UBE2V2: variants seen among roughly 807,000 people sequenced by gnomAD.
The protein encoded by UBE2V2 is ubiquitin conjugating enzyme E2 V2.
A neutral mutation model predicts 17.2 loss-of-function variants in UBE2V2; 9 were observed. The observed-to-expected ratio is 0.52, with a 90% CI of 0.32 to 0.91. The LOEUF (loss-of-function observed/expected upper bound fraction) is 0.91. Ranked by LOEUF, UBE2V2 falls within the 40% of genes least tolerant of loss-of-function variation. The probability of loss-of-function intolerance (pLI) is 0.04; values close to 1 mark genes in which losing one functional copy is unlikely to be tolerated. For missense variants in UBE2V2, 133 were observed against 182.6 expected, an observed-to-expected ratio of 0.73 and a Z score of 1.56; for synonymous variants, 61 against 57.5, an observed-to-expected ratio of 1.06 and a Z score of -0.28.
At chr8:48,022,216 C>T (rs1427513002) in intron 1 of UBE2V2, among the ~76,000 whole-genome samples, 1 of 151,282 alleles carries the variant, frequency 6.6e-6, no homozygotes, top group Non-Finnish European at 1.5e-5. Context: ...TGGCTTACTG[C>T]AACCTTCGCC....
intron 3 of UBE2V2, among the ~76,000 whole-genome samples, chr8:48,052,827 C>G (rs902019385): frequency 6.6e-6 from 1 of 152,224 alleles, no homozygotes; most frequent in Non-Finnish European, 1.5e-5. Context: ...CGTTTGGTCT[C>G]AAGACCTTTG....
the UBE2V2 span, among the ~76,000 whole-genome samples, chr8:48,003,076 G>A: frequency 6.6e-6 from 1 of 152,058 alleles, no homozygotes; most frequent in Non-Finnish European, 1.5e-5. Flanking sequence ...TGGGCATGGT[G>A]GCGCATGCCT....
At chr8:48,047,491 AGTTT>A (rs1290395162) in intron 2 of UBE2V2, among the ~76,000 whole-genome samples, 1 of 152,128 alleles carries the variant, frequency 6.6e-6, no homozygotes, top group Non-Finnish European at 1.5e-5. Flanking sequence ...AGTAAATATT[AGTTT>A]GTTTTTCTCC....
chr8:48,003,230 A>G, the UBE2V2 span, among the ~76,000 whole-genome samples: 238 of 151,834 alleles, frequency 1.6e-3, 2 homozygotes, highest in East Asian at 0.018. Flanking sequence ...AAAAAAAAAA[A>G]AGAGAGAATT....
upstream of UBE2V2, among the ~76,000 whole-genome samples, chr8:48,007,554 G>C (rs1210091670): frequency 6.6e-6 from 1 of 150,726 alleles, no homozygotes; most frequent in Non-Finnish European, 1.5e-5. Flanking sequence ...CAACCTACAA[G>C]GGATGTGAAA....
chr8:48,048,201 A>G (rs1589864280), intron 2 of UBE2V2, among the ~76,000 whole-genome samples: 1 of 152,190 alleles, frequency 6.6e-6, no homozygotes, highest in South Asian at 2.1e-4. Flanking sequence ...AGGGTCATGT[A>G]GTGTGTACAC....
intron 1 of UBE2V2, among the ~76,000 whole-genome samples, chr8:48,023,551 T>G (rs28641816): frequency 0.22 from 34,085 of 151,904 alleles, 7,460 homozygotes; most frequent in African/African-American, 0.56. Flanking sequence ...TATGAGGCAT[T>G]CAAACTAGAA....
At chr8:48,050,688 CAA>C (rs796549178) in intron 3 of UBE2V2, among the ~76,000 whole-genome samples, 11 of 61,792 alleles carry the variant, frequency 1.8e-4, no homozygotes, top group East Asian at 9.9e-4. Context: ...AACTCCGTCT[CAA>C]AAAAAAAAAA....
At chr8:48,007,110 G>A (rs1457385403), upstream of UBE2V2, among the ~76,000 whole-genome samples, 1 of 151,204 alleles carries the variant, frequency 6.6e-6, no homozygotes, top group African/African-American at 2.4e-5. Context: ...AGATGGTCTT[G>A]ATCTTCTGAC....
chr8:48,036,344 G>A (rs1159741621), intron 1 of UBE2V2, among the ~76,000 whole-genome samples: 1 of 152,056 alleles, frequency 6.6e-6, no homozygotes, highest in African/African-American at 2.4e-5. Context: ...AAAGGAGGAG[G>A]AAAATCAGAC....
At chr8:48,050,942 C>G (rs1455098467) in intron 3 of UBE2V2, among the ~76,000 whole-genome samples, 1 of 152,106 alleles carries the variant, frequency 6.6e-6, no homozygotes, top group African/African-American at 2.4e-5. Context: ...TTCCTGTGGC[C>G]TCAAGTGATT....
the UBE2V2 span, among the ~76,000 whole-genome samples, chr8:48,000,906 C>CAAGTGAAG: frequency 1.5e-4 from 23 of 148,602 alleles, 1 homozygote; most frequent in African/African-American, 5.2e-4. Flanking sequence ...GAATAAATGG[C>CAAGTGAAG]AAGTGAAGTA....
intron 1 of UBE2V2, among the ~76,000 whole-genome samples, chr8:48,012,428 G>GT (rs1211660451): frequency 6.6e-6 from 1 of 152,156 alleles, no homozygotes; most frequent in Non-Finnish European, 1.5e-5. Context: ...AGATAGAAAA[G>GT]TATGTGCAGG....
chr8:48,010,232 G>A (rs1158729255), intron 1 of UBE2V2, among the ~76,000 whole-genome samples: 2 of 151,120 alleles, frequency 1.3e-5, no homozygotes, highest in Non-Finnish European at 2.9e-5. Flanking sequence ...TACATAGGGA[G>A]TCTGTATTTT....
chr8:48,059,124 G>A (rs575197549), intron 3 of UBE2V2, among the ~76,000 whole-genome samples: 1 of 151,972 alleles, frequency 6.6e-6, no homozygotes, highest in African/African-American at 2.4e-5. Flanking sequence ...TAGTAGAGAC[G>A]GGGTTTCACT....
intron 1 of UBE2V2, among the ~76,000 whole-genome samples, chr8:48,025,894 C>T (rs937454695): frequency 3.9e-5 from 6 of 152,088 alleles, no homozygotes; most frequent in African/African-American, 1.4e-4. Flanking sequence ...GCCACCGCAC[C>T]GGGCTCTGGA....
chr8:48,056,625 C>T (rs2091573430), intron 3 of UBE2V2, among the ~76,000 whole-genome samples: 1 of 152,004 alleles, frequency 6.6e-6, no homozygotes, highest in Non-Finnish European at 1.5e-5. Context: ...CTCCTGGGCT[C>T]AAGAGATCCA....
upstream of UBE2V2, among the ~76,000 whole-genome samples, chr8:48,004,517 TTTTTTTTGTTTTG>T (rs540505394): frequency 3.5e-3 from 536 of 151,874 alleles, 1 homozygote; most frequent in South Asian, 0.02. Context: ...CTTCTGTTTT[TTTTTTTTGTTTTG>T]TTTTTTTGTT....
In UBE2V2 at chr8:48,064,201, A is replaced by T. The variant is rs1428195954; in HGVS notation, c.*3373A>T. 2.0e-5 allele frequency: 3 copies of T among 152,214 alleles called. No homozygotes were observed. The highest frequency in any genetic ancestry group is 2.9e-5 in the Non-Finnish European group (2 of 68,048). The allele number at this position is 152,214 out of a possible 1,614,324, so 9.4% of individuals were successfully genotyped here. ...TCCTTTTATAGTATGCTTTTTAGGCATCTGTATGTGTAATATCATAGTATC... is the reference window on the plus strand; with the variant it reads ...TCCTTTTATAGTATGCTTTTTAGGCTTCTGTATGTGTAATATCATAGTATC... On this transcript the variant is annotated 3_prime_UTR_variant, in exon 4 of 4. Coordinates refer to ENST00000523111, the MANE Select transcript of UBE2V2 (RefSeq NM_003350.3).
Sources: allele counts gnomAD v4.1 joint callset (sites outside exome capture counted in the v4.1 genomes callset), GRCh38; gene constraint gnomAD v4.1.1; transcripts MANE v1.5; gene names NCBI Gene and HGNC (gene_info 2026-07-23, HGNC 2026-07-21).